Variants in PARM1 observed in about 807,000 individuals in gnomAD.
The protein encoded by PARM1 is prostate androgen-regulated mucin-like protein 1, also known as WSC4, cell wall integrity and stress response component 4 homolog.
A neutral mutation model predicts 24.6 loss-of-function variants in PARM1; 14 were observed. The observed-to-expected ratio is 0.57, with a 90% CI of 0.38 to 0.89. PARM1 has a LOEUF of 0.89. Ranked by LOEUF, PARM1 falls within the 40% of genes least tolerant of loss-of-function variation. The probability of loss-of-function intolerance (pLI) is 0.00; values close to 1 mark genes in which losing one functional copy is unlikely to be tolerated. For synonymous variants in PARM1, 179 were observed against 156.6 expected (o/e 1.14, Z -1.07); for missense variants, 362 against 380.4 (o/e 0.95, Z 0.40).
chr4:75,004,227 T>A (rs17000075), intron 1 of PARM1, among the ~76,000 whole-genome samples: 1 of 152,206 alleles, frequency 6.6e-6, no homozygotes, highest in African/African-American at 2.4e-5. Context: ...ATGTTTCTAC[T>A]CAATGAATAT....
chr4:74,973,303 C>G (rs1437111552), intron 1 of PARM1, among the ~76,000 whole-genome samples: 1 of 152,112 alleles, frequency 6.6e-6, no homozygotes, highest in Non-Finnish European at 1.5e-5. Flanking sequence ...TCTAAAGATA[C>G]TGTACAGTAC....
intron 1 of PARM1, among the ~76,000 whole-genome samples, chr4:74,972,071 A>G (rs1181923479): frequency 6.6e-6 from 1 of 152,188 alleles, no homozygotes; most frequent in Non-Finnish European, 1.5e-5. Flanking sequence ...GATATTGACA[A>G]CATGCACGCC....
chr4:74,942,978 C>T (rs928552283), intron 1 of PARM1, among the ~76,000 whole-genome samples: 14 of 152,296 alleles, frequency 9.2e-5, no homozygotes, highest in Non-Finnish European at 1.5e-4. Flanking sequence ...TCTTTGCTCA[C>T]TCTGCACCAG....
intron 1 of PARM1, chr4:74,967,491 C>G (rs2109992864): frequency 6.6e-6 from 1 of 152,306 alleles, no homozygotes; most frequent in Non-Finnish European, 1.5e-5. Context: ...CAGATTGCGT[C>G]ATGGAGAGCA....
At chr4:74,961,196 G>T (rs1721766933) in intron 1 of PARM1, among the ~76,000 whole-genome samples, 1 of 152,120 alleles carries the variant, frequency 6.6e-6, no homozygotes, top group African/African-American at 2.4e-5. Flanking sequence ...ACAGCTTTGA[G>T]CAGACTGAAG....
chr4:74,968,366 A>C (rs898820606), intron 1 of PARM1, among the ~76,000 whole-genome samples: 11 of 152,254 alleles, frequency 7.2e-5, no homozygotes, highest in African/African-American at 2.7e-4. Flanking sequence ...AAATCTGTAC[A>C]GGTCAGGAAA....
intron 1 of PARM1, among the ~76,000 whole-genome samples, chr4:74,968,627 T>G: frequency 6.6e-6 from 1 of 152,224 alleles, no homozygotes; most frequent in East Asian, 1.9e-4. Flanking sequence ...ACTGCAGAGA[T>G]AAGGCAGTTT....
At chr4:74,984,939 C>G (rs1328008800) in intron 1 of PARM1, among the ~76,000 whole-genome samples, 2 of 152,164 alleles carry the variant, frequency 1.3e-5, no homozygotes, top group Non-Finnish European at 2.9e-5. Context: ...ACCCTCATCA[C>G]AGAGGATGGC....
intron 1 of PARM1, among the ~76,000 whole-genome samples, chr4:74,964,367 C>T (rs79711888): frequency 0.029 from 4,352 of 152,270 alleles, 203 homozygotes; most frequent in African/African-American, 0.098. Flanking sequence ...CACACTGTCA[C>T]GTTAAGTTCC....
rs150261177 is a variant in PARM1, at chr4:75,039,302, C to T, written c.848+5341C>T. On this transcript the variant is annotated intron_variant, in intron 3 of 3. Coordinates refer to ENST00000307428, the MANE Select transcript of PARM1 (RefSeq NM_015393.4). ...ATCCCAGCAATTTGGGAGGCTGAGGCGGGCAGATCATGAGGTCAGGAGATC... is the reference window on the plus strand; with the variant it reads ...ATCCCAGCAATTTGGGAGGCTGAGGTGGGCAGATCATGAGGTCAGGAGATC... Among the ~76,000 whole-genome samples the T allele has an allele frequency of 8.2e-3, 1,248 of 152,120 alleles. 17 individuals are homozygous for T. Among genetic ancestry groups the T allele is most frequent in the African/African-American group, 0.029 (1,190 of 41,488 alleles).
At chr4:74,992,076 A>G (rs528567289) in intron 1 of PARM1, among the ~76,000 whole-genome samples, 1 of 152,252 alleles carries the variant, frequency 6.6e-6, no homozygotes, top group South Asian at 2.1e-4. Context: ...AAAGAGATGA[A>G]TAGGGCAAGG....
Position 75,047,568 on chromosome 4 carries a change from G to A in PARM1, c.*1321G>A, listed in dbSNP as rs1352112747. ...GGACATTCAAAAATGTCTGGTGACA[G>A]TTTTCATTGTCATGACTTGGGGGTG... On this transcript the variant is annotated 3_prime_UTR_variant, in exon 4 of 4. Coordinates refer to ENST00000307428, the MANE Select transcript of PARM1 (RefSeq NM_015393.4). The A allele has an allele frequency of 6.6e-6, 1 of 152,234 alleles. No individual in the cohort carries two copies. The highest frequency in any genetic ancestry group is 2.4e-5 in the African/African-American group (1 of 41,454). 9.4% of individuals were successfully genotyped at this position (152,234 alleles called of 1,614,324 possible).
At chr4:74,950,842 ATTT>A (rs1409270811) in intron 1 of PARM1, among the ~76,000 whole-genome samples, 2 of 140,014 alleles carry the variant, frequency 1.4e-5, no homozygotes, top group Admixed American at 7.2e-5. Flanking sequence ...TTGGAGGGGG[ATTT>A]TTTTTTTTTT....
intron 1 of PARM1, among the ~76,000 whole-genome samples, chr4:74,933,835 C>A (rs988227481): frequency 1.3e-5 from 2 of 152,108 alleles, no homozygotes; most frequent in African/African-American, 4.8e-5. Context: ...GCGCGCCTGG[C>A]GGGGCTGGTT....
intron 1 of PARM1, among the ~76,000 whole-genome samples, chr4:74,990,445 T>G (rs537137081): frequency 6.6e-6 from 1 of 152,080 alleles, no homozygotes; most frequent in Non-Finnish European, 1.5e-5. Context: ...ATTAGTGAGC[T>G]CCTCCAAAAT....
At chr4:75,032,669 A>G (rs1283482164) in intron 2 of PARM1, among the ~76,000 whole-genome samples, 1 of 152,194 alleles carries the variant, frequency 6.6e-6, no homozygotes, top group Non-Finnish European at 1.5e-5. Context: ...GAACACTCTT[A>G]TTCCTCTGTC....
intron 1 of PARM1, among the ~76,000 whole-genome samples, chr4:74,954,146 A>C (rs1006836677): frequency 6.6e-6 from 1 of 152,242 alleles, no homozygotes; most frequent in African/African-American, 2.4e-5. Flanking sequence ...TATTTCAGCA[A>C]GAGCTACCCA....
chr4:74,998,864 C>A (rs913636259), intron 1 of PARM1, among the ~76,000 whole-genome samples: 7 of 152,212 alleles, frequency 4.6e-5, no homozygotes, highest in African/African-American at 1.7e-4. Flanking sequence ...AGGAAACATT[C>A]CATAAGAAAA....
In PARM1 at chr4:75,048,363, C is replaced by G. The variant is rs1036061276; in HGVS notation, c.*2116C>G. On this transcript the variant is annotated 3_prime_UTR_variant, in exon 4 of 4. Transcript: ENST00000307428. ...GAAAACAACAACTAAAAAAGTGGAC[C>G]TTCTCAGAAAAAAAGGGCAGCAAAT... The G allele has an allele frequency of 9.2e-5, 14 of 152,110 alleles. No individual in the cohort carries two copies. The highest frequency in any genetic ancestry group is 3.4e-4 in the African/African-American group (14 of 41,416). 9.4% of individuals were successfully genotyped at this position (152,110 alleles called of 1,614,324 possible).
Sources: allele counts gnomAD v4.1 joint callset (sites outside exome capture counted in the v4.1 genomes callset), GRCh38; gene constraint gnomAD v4.1.1; transcripts MANE v1.5; gene names NCBI Gene and HGNC (gene_info 2026-07-23, HGNC 2026-07-21).